FA2H: variants seen among roughly 807,000 people sequenced by gnomAD.
The protein encoded by FA2H is fatty acid 2-hydroxylase.
Under a neutral mutation model 44.9 loss-of-function variants are expected in FA2H, and 22 were observed. That is an observed-to-expected ratio of 0.49 (90% confidence interval 0.35 to 0.70). FA2H has a LOEUF of 0.70. Among genes scored for constraint, FA2H ranks in the 30% least tolerant of loss-of-function variants. The probability of loss-of-function intolerance (pLI) is 0.01; values close to 1 mark genes in which losing one functional copy is unlikely to be tolerated. For synonymous variants in FA2H, 243 were observed against 213.2 expected (o/e 1.14, Z -1.22); for missense variants, 501 against 504.9 (o/e 0.99, Z 0.07).
At chr16:74,765,942 T>C (rs567650624) in intron 1 of FA2H, among the ~76,000 whole-genome samples, 3 of 152,222 alleles carry the variant, frequency 2.0e-5, no homozygotes, top group East Asian at 3.9e-4. Flanking sequence ...GTCCAGTCCT[T>C]GGGGAGTTTA....
At chr16:74,719,238 C>T (rs1180535327) in intron 4 of FA2H, 78 bp from the exon 5 acceptor site, 15 of 1,323,950 alleles carry the variant, frequency 1.1e-5, no homozygotes, top group Middle Eastern at 4.5e-4. Context: ...GCCTCACCAT[C>T]CCCATCAGCT....
chr16:74,719,897 A>G (rs1597541262), intron 4 of FA2H, among the ~76,000 whole-genome samples: 1 of 151,850 alleles, frequency 6.6e-6, no homozygotes, highest in Non-Finnish European at 1.5e-5. Flanking sequence ...ACCAGGGACC[A>G]TGGGGCAGGA....
At position 74,740,269 on chromosome 16, in the gene FA2H, A is replaced by G. The variant is rs78212578; in HGVS notation, c.271-154T>C. Among the ~76,000 whole-genome samples the G allele has an allele frequency of 1.9e-3, 296 of 152,254 alleles. 1 individual carries two copies. The highest frequency in any genetic ancestry group is 6.7e-3 in the African/African-American group (279 of 41,560). ...AAGGACGCTGGGTACTTTGGAAAAC[A>G]GAGAGACCCTGATGTGAGCATTGTT... On this transcript the variant is annotated intron_variant, in intron 1 of 6. Transcript: ENST00000219368.
intron 1 of FA2H, among the ~76,000 whole-genome samples, chr16:74,760,985 G>C (rs1479236582): frequency 1.3e-5 from 2 of 152,140 alleles, no homozygotes; most frequent in Admixed American, 1.3e-4. Context: ...AGAGCATCAG[G>C]AAAGACAGAG....
intron 2 of FA2H, among the ~76,000 whole-genome samples, chr16:74,730,958 C>T (rs1376886998): frequency 6.6e-6 from 1 of 152,168 alleles, no homozygotes; most frequent in East Asian, 1.9e-4. Context: ...ATCTTGGGCC[C>T]TGGAAATACT....
intron 4 of FA2H, among the ~76,000 whole-genome samples, chr16:74,720,618 A>C (rs1158303684): frequency 6.6e-6 from 1 of 152,166 alleles, no homozygotes; most frequent in Non-Finnish European, 1.5e-5. Flanking sequence ...CAAATAAAAT[A>C]TATAATTCAG....
chr16:74,746,327 A>C lies in FA2H; in HGVS notation c.271-6212T>G, dbSNP rs534999054. 6.6e-5 allele frequency among the ~76,000 whole-genome samples: 10 copies of C among 151,328 alleles called. No individual in the cohort carries two copies. The South Asian group carries it at 2.1e-3, about 32-fold the overall frequency. On this transcript the variant is annotated intron_variant, in intron 1 of 6. Transcript: ENST00000219368. ...CAGGCTGGAGTGGAGTGGTGTGATCATGGCTTGCTGCAGCCTTGAACTCCT... is the reference window on the plus strand; with the variant it reads ...CAGGCTGGAGTGGAGTGGTGTGATCCTGGCTTGCTGCAGCCTTGAACTCCT...
chr16:74,726,878 CTG>C (rs1343502572), intron 3 of FA2H, among the ~76,000 whole-genome samples: 1 of 152,188 alleles, frequency 6.6e-6, no homozygotes, highest in Non-Finnish European at 1.5e-5. Flanking sequence ...CAGAAAAGAA[CTG>C]TGTCCCCAGG....
At position 74,774,812 on chromosome 16, in the gene FA2H, A is replaced by G; in HGVS notation, c.-57T>C. ...CGGCGTCTGCTCTGCTGCCACCCTGAGCGCCTCTAACATCCCGGGAGCCCC... is the reference window on the plus strand; with the variant it reads ...CGGCGTCTGCTCTGCTGCCACCCTGGGCGCCTCTAACATCCCGGGAGCCCC... On this transcript the variant is annotated 5_prime_UTR_variant, in exon 1 of 7. Coordinates refer to ENST00000219368, the MANE Select transcript of FA2H (RefSeq NM_024306.5). 8.0e-7 allele frequency: 1 copy of G among 1,253,884 alleles called. No individual in the cohort carries two copies. 77.7% of individuals were successfully genotyped at this position (1,253,884 alleles called of 1,614,324 possible). A position where few individuals can be genotyped will look rare whatever the true frequency, so the allele number is the denominator to read the frequency against.
At chr16:74,748,900 G>A (rs1013245243) in intron 1 of FA2H, among the ~76,000 whole-genome samples, 1 of 152,190 alleles carries the variant, frequency 6.6e-6, no homozygotes, top group Non-Finnish European at 1.5e-5. Context: ...TTTTCTGAAA[G>A]GGAATGGTTG....
chr16:74,763,538 G>A (rs554204437), intron 1 of FA2H, among the ~76,000 whole-genome samples: 3 of 152,262 alleles, frequency 2.0e-5, no homozygotes, highest in South Asian at 2.1e-4. Flanking sequence ...GATTACAGGC[G>A]TGCGCCACCG....
At chr16:74,750,760 A>AGTGTGTGT (rs1962511684) in intron 1 of FA2H, among the ~76,000 whole-genome samples, 1 of 23,012 alleles carries the variant, frequency 4.3e-5, no homozygotes, top group African/African-American at 1.8e-4. Context: ...CTTTTTTTTC[A>AGTGTGTGT]CTGTGTGTGT....
chr16:74,765,714 G>C (rs1261678455), intron 1 of FA2H, among the ~76,000 whole-genome samples: 2 of 151,922 alleles, frequency 1.3e-5, no homozygotes, highest in Non-Finnish European at 2.9e-5. Flanking sequence ...ACCACGCCTG[G>C]CTATGTTGGA....
chr16:74,758,570 T>G (rs1465452360), intron 1 of FA2H, among the ~76,000 whole-genome samples: 1 of 151,790 alleles, frequency 6.6e-6, no homozygotes, highest in Non-Finnish European at 1.5e-5. Flanking sequence ...CAGAATGTGA[T>G]AAAACTTTGA....
chr16:74,721,876 G>A (rs1567635069), intron 4 of FA2H, among the ~76,000 whole-genome samples: 1 of 152,226 alleles, frequency 6.6e-6, no homozygotes, highest in Non-Finnish European at 1.5e-5. Context: ...GGTGTGCACC[G>A]GCACGCGGGC....
intron 2 of FA2H, among the ~76,000 whole-genome samples, chr16:74,728,222 G>C (rs1235263331): frequency 6.6e-6 from 1 of 152,208 alleles, no homozygotes; most frequent in African/African-American, 2.4e-5. Flanking sequence ...CCAGTAGTTT[G>C]AGACCAGCCT....
rs577637028 is a variant in FA2H, at chr16:74,769,375, G to A, written c.270+5111C>T. Among the ~76,000 whole-genome samples the A allele has an allele frequency of 7.9e-5, 12 of 152,292 alleles. No homozygotes were observed. The South Asian group carries it at 1.9e-3, about 24-fold the overall frequency. On this transcript the variant is annotated intron_variant, in intron 1 of 6. Coordinates refer to ENST00000219368, the MANE Select transcript of FA2H (RefSeq NM_024306.5). ...GCCTCCCAAAGTGCCTGGATTACAG[G>A]CATGAGCCACCGTGCCTGGCCCCCA...
chr16:74,754,661 G>A (rs765898792), intron 1 of FA2H, among the ~76,000 whole-genome samples: 1 of 152,078 alleles, frequency 6.6e-6, no homozygotes, highest in Non-Finnish European at 1.5e-5. Context: ...CTGAGTAGCT[G>A]AGACTACAGG....
chr16:74,757,853 C>CA (rs1445162834), intron 1 of FA2H, among the ~76,000 whole-genome samples: 2 of 151,660 alleles, frequency 1.3e-5, no homozygotes, highest in South Asian at 2.1e-4. Context: ...CCTGTCTCTA[C>CA]AAAAAAAATA....
Sources: gnomAD v4.1 joint callset for allele counts (sites outside exome capture counted in the v4.1 genomes callset) on GRCh38, gnomAD v4.1.1 for gene constraint, MANE v1.5 for transcripts, NCBI Gene and HGNC (gene_info 2026-07-23, HGNC 2026-07-21) for gene names.